The following EPM2A variants were observed in gnomAD, a reference collection of about 807,000 sequenced individuals.
The protein encoded by EPM2A is laforin.
Under a neutral mutation model 26.5 loss-of-function variants are expected in EPM2A, and 21 were observed. That is an observed-to-expected ratio of 0.79 (90% confidence interval 0.56 to 1.14). The LOEUF is 1.14. Ranked by LOEUF, EPM2A falls within the 50% of genes most tolerant of loss-of-function variation. The pLI is 0.00. For synonymous variants in EPM2A, 217 were observed against 177.6 expected, an observed-to-expected ratio of 1.22 and a Z score of -1.76; for missense variants, 458 against 440.8, an observed-to-expected ratio of 1.04 and a Z score of -0.35.
chr6:145,667,475 A>T (rs1478301094), intron 2 of EPM2A, among the ~76,000 whole-genome samples: 2 of 149,214 alleles, frequency 1.3e-5, no homozygotes, highest in Non-Finnish European at 3.0e-5. Flanking sequence ...ATATTATCTC[A>T]CACCAGTTAG....
At chr6:145,480,721 CT>C (rs1779602924) in intron 4 of EPM2A, among the ~76,000 whole-genome samples, 1 of 152,028 alleles carries the variant, frequency 6.6e-6, no homozygotes, top group Non-Finnish European at 1.5e-5. Context: ...TCAATTGTAT[CT>C]GACAATATTT....
chr6:145,402,974 T>G (rs1040752490), intron 4 of EPM2A, among the ~76,000 whole-genome samples: 1 of 152,216 alleles, frequency 6.6e-6, no homozygotes, highest in African/African-American at 2.4e-5. Flanking sequence ...AAGTTACATT[T>G]CCAGTAGTGT....
intron 2 of EPM2A, among the ~76,000 whole-genome samples, chr6:145,562,725 G>A (rs914169488): frequency 6.6e-6 from 1 of 152,114 alleles, no homozygotes; most frequent in Non-Finnish European, 1.5e-5. Context: ...CAAGGACTCT[G>A]CTGCTTCGAA....
intron 2 of EPM2A, among the ~76,000 whole-genome samples, chr6:145,571,273 G>T (rs189435612): frequency 6.6e-6 from 1 of 152,150 alleles, no homozygotes; most frequent in South Asian, 2.1e-4. Flanking sequence ...TCACGTAGTT[G>T]ATGTTTTAAT....
downstream of EPM2A, among the ~76,000 whole-genome samples, chr6:145,498,329 C>A (rs1779847053): frequency 6.6e-6 from 1 of 152,182 alleles, no homozygotes; most frequent in Non-Finnish European, 1.5e-5. Flanking sequence ...CTGCTTGGAC[C>A]CCTGGATTCC....
chr6:145,603,830 A>G (rs1262212812), intron 2 of EPM2A, among the ~76,000 whole-genome samples: 1 of 152,200 alleles, frequency 6.6e-6, no homozygotes, highest in Admixed American at 6.5e-5. Flanking sequence ...TATCTCTGCC[A>G]TGAATCCCAA....
chr6:145,406,966 A>G (rs1778577517), intron 4 of EPM2A, among the ~76,000 whole-genome samples: 1 of 152,150 alleles, frequency 6.6e-6, no homozygotes, highest in African/African-American at 2.4e-5. Flanking sequence ...GCCAAAGGAA[A>G]TAGTGGAGAT....
At chr6:145,384,109 A>C (rs1023895573) in intron 4 of EPM2A, 3 of 152,098 alleles carry the variant, frequency 2.0e-5, no homozygotes, top group Non-Finnish European at 4.4e-5. Flanking sequence ...TGAAAAAAAA[A>C]AGTGAGAGGG....
intron 4 of EPM2A, among the ~76,000 whole-genome samples, chr6:145,439,516 C>T (rs115247705): frequency 0.011 from 1,631 of 152,240 alleles, 22 homozygotes; most frequent in African/African-American, 0.032. Flanking sequence ...TTCTGACTGA[C>T]GTGAGATGGT....
intron 2 of EPM2A, among the ~76,000 whole-genome samples, chr6:145,603,671 T>C (rs1232399272): frequency 2.0e-5 from 3 of 152,244 alleles, no homozygotes; most frequent in Non-Finnish European, 4.4e-5. Flanking sequence ...TAACACATTC[T>C]ATTGAAATTA....
intron 4 of EPM2A, among the ~76,000 whole-genome samples, chr6:145,387,151 C>A (rs967071729): frequency 6.6e-6 from 1 of 152,104 alleles, no homozygotes; most frequent in African/African-American, 2.4e-5. Flanking sequence ...CTATGAGAAA[C>A]AGACAATTGT....
At chr6:145,408,589 C>T (rs1346231013) in intron 4 of EPM2A, among the ~76,000 whole-genome samples, 2 of 152,186 alleles carry the variant, frequency 1.3e-5, no homozygotes, top group Non-Finnish European at 2.9e-5. Flanking sequence ...TGGGCCTTCT[C>T]ATCCTACCTC....
chr6:145,625,038 G>A (rs138440664), downstream of EPM2A, among the ~76,000 whole-genome samples: 320 of 152,310 alleles, frequency 2.1e-3, 1 homozygote, highest in African/African-American at 7.4e-3. Flanking sequence ...TTAAACACCA[G>A]TGACAAGCAG....
At chr6:145,521,676 G>A (rs1168889235) in intron 2 of EPM2A, among the ~76,000 whole-genome samples, 2 of 152,202 alleles carry the variant, frequency 1.3e-5, no homozygotes. Context: ...GATGAAAAAG[G>A]TAAAAACTCT....
chr6:145,414,507 A>AT (rs1341186377), intron 4 of EPM2A, among the ~76,000 whole-genome samples: 2 of 151,822 alleles, frequency 1.3e-5, no homozygotes, highest in African/African-American at 4.8e-5. Context: ...ATATCTCTAG[A>AT]TTTTTCCCCG....
In EPM2A at chr6:145,686,308, A is replaced by G. The variant is rs771456156; in HGVS notation, c.302-12T>C. ...ATGAGGTCCATTGCCTAGAACAAGA[A>G]AAAATGATAAACAGAGCAATTAAAT... is the stretch of plus-strand genomic sequence containing the variant. On this transcript the variant is annotated splice_polypyrimidine_tract_variant and intron_variant, in intron 1 of 3. Coordinates refer to ENST00000367519, the MANE Select transcript of EPM2A (RefSeq NM_005670.4). 75 of 1,610,080 alleles carry G rather than the reference A, an allele frequency of 4.7e-5. No individual in the cohort carries two copies. Among genetic ancestry groups the G allele is most frequent in the Non-Finnish European group, 5.6e-5 (66 of 1,176,604 alleles).
At chr6:145,414,580 G>A (rs895111307) in intron 4 of EPM2A, among the ~76,000 whole-genome samples, 1 of 152,038 alleles carries the variant, frequency 6.6e-6, no homozygotes. Flanking sequence ...TAAGAGGAAT[G>A]CTTATCACCT....
chr6:145,510,452 A>G (rs1396549445), intron 2 of EPM2A, among the ~76,000 whole-genome samples: 1 of 152,194 alleles, frequency 6.6e-6, no homozygotes, highest in Non-Finnish European at 1.5e-5. Context: ...TCAAAACTAC[A>G]TAAATACATG....
chr6:145,644,534 G>T lies in EPM2A; in HGVS notation c.477-9048C>A, dbSNP rs538553233. Among the ~76,000 whole-genome samples, 769 of 152,142 alleles carry T rather than the reference G, an allele frequency of 5.1e-3. 4 individuals carry two copies. Among genetic ancestry groups the T allele is most frequent in the African/African-American group, 0.018 (749 of 41,512 alleles). ...TATGGGGCATCAAATAATTTAAATGGTTTAAAACTGACACAATTAGCAGTG... is the reference window on the plus strand; with the variant it reads ...TATGGGGCATCAAATAATTTAAATGTTTTAAAACTGACACAATTAGCAGTG... On this transcript the variant is annotated intron_variant, in intron 2 of 3. Transcript: ENST00000367519.
Sources: allele counts gnomAD v4.1 joint callset (sites outside exome capture counted in the v4.1 genomes callset), GRCh38; gene constraint gnomAD v4.1.1; transcripts MANE v1.5; gene names NCBI Gene and HGNC (gene_info 2026-07-23, HGNC 2026-07-21).